The following HMGCLL1 variants were observed in gnomAD, a reference collection of about 807,000 sequenced individuals.
HMGCLL1 encodes the protein 3-hydroxymethyl-3-methylglutaryl-CoA lyase, cytoplasmic.
HMGCLL1 carries 36 observed loss-of-function variants against 39.1 expected under a neutral mutation model. The observed-to-expected ratio is 0.92, with a 90% confidence interval of 0.71 to 1.22. HMGCLL1 has a LOEUF of 1.22. Ranked by LOEUF, HMGCLL1 falls within the 50% of genes most tolerant of loss-of-function variation. HMGCLL1 has a pLI of 0.00. For synonymous variants in HMGCLL1, 149 were observed against 144.0 expected (o/e 1.03, Z -0.25); for missense variants, 451 against 416.5 (o/e 1.08, Z -0.72).
At chr6:55,674,286 T>A in the HMGCLL1 span, among the ~76,000 whole-genome samples, 5 of 151,736 alleles carry the variant, frequency 3.3e-5, no homozygotes, top group African/African-American at 1.2e-4. Flanking sequence ...ACAAAAGAGA[T>A]ACCTAATTTA....
At chr6:55,460,780 T>C (rs1367522766) in intron 7 of HMGCLL1, among the ~76,000 whole-genome samples, 1 of 151,986 alleles carries the variant, frequency 6.6e-6, no homozygotes, top group Non-Finnish European at 1.5e-5. Flanking sequence ...ATTCTGTTGT[T>C]ATTTGAGCTC....
chr6:55,480,282 A>T (rs1417205153), intron 7 of HMGCLL1, among the ~76,000 whole-genome samples: 3 of 151,630 alleles, frequency 2.0e-5, no homozygotes, highest in Non-Finnish European at 4.4e-5. Flanking sequence ...CTATAGGAAA[A>T]ATCTAATAAT....
intron 7 of HMGCLL1, among the ~76,000 whole-genome samples, chr6:55,481,776 G>C (rs1313680850): frequency 6.6e-6 from 1 of 151,566 alleles, no homozygotes; most frequent in African/African-American, 2.4e-5. Context: ...TGGAAAATAA[G>C]CAATCAATCT....
At chr6:55,488,168 G>A (rs1243218289) in intron 7 of HMGCLL1, among the ~76,000 whole-genome samples, 1 of 152,062 alleles carries the variant, frequency 6.6e-6, no homozygotes, top group Non-Finnish European at 1.5e-5. Context: ...AGGGTACTAT[G>A]ATTTTTACAT....
At chr6:55,529,716 G>C (rs1380227895) in intron 3 of HMGCLL1, among the ~76,000 whole-genome samples, 1 of 152,026 alleles carries the variant, frequency 6.6e-6, no homozygotes, top group East Asian at 1.9e-4. Flanking sequence ...AACGCCATTT[G>C]TATGAGTTTG....
chr6:55,436,512 T>A (rs1763377907), intron 8 of HMGCLL1, among the ~76,000 whole-genome samples: 1 of 151,982 alleles, frequency 6.6e-6, no homozygotes. Flanking sequence ...CCAGCACTTT[T>A]GTTGTCACCG....
At chr6:55,579,206 G>T, upstream of HMGCLL1, 2 of 638,972 alleles carry the variant, frequency 3.1e-6, no homozygotes, top group Non-Finnish European at 5.5e-6. Flanking sequence ...CTGCGGCGGC[G>T]CCGAGAGGGC....
intron 7 of HMGCLL1, among the ~76,000 whole-genome samples, chr6:55,478,316 C>T (rs112227094): frequency 9.3e-5 from 14 of 151,036 alleles, no homozygotes; most frequent in South Asian, 2.1e-4. Context: ...AAAGTTCTAC[C>T]GAAAATCAAT....
At chr6:55,617,078 G>A in the HMGCLL1 span, among the ~76,000 whole-genome samples, 1,006 of 152,122 alleles carry the variant, frequency 6.6e-3, 17 homozygotes, top group African/African-American at 0.022. Flanking sequence ...TGTGCAGGAT[G>A]TGCATATTTG....
chr6:55,641,722 A>G, the HMGCLL1 span, among the ~76,000 whole-genome samples: 1,402 of 152,032 alleles, frequency 9.2e-3, 27 homozygotes, highest in African/African-American at 0.033. Context: ...AAAACATCAA[A>G]TGCAAAAATA....
rs1769640676 is a variant in HMGCLL1 at position 55,543,222 on chromosome 6, A to ATATATTATATAT, written c.109-1083_109-1082insATATATAATATA. 5.1e-4 allele frequency among the ~76,000 whole-genome samples: 4 copies of ATATATTATATAT among 7,812 alleles called. 1 individual carries two copies. 5.1% of individuals were successfully genotyped at this position (7,812 alleles called of 152,430 possible). On this transcript the variant is annotated intron_variant, in intron 1 of 8. Coordinates refer to ENST00000274901, the MANE Select transcript of HMGCLL1 (RefSeq NM_001042406.2). The stretch of plus-strand genomic sequence containing the variant: ...TATATTATATATTATATATTATATA[A>ATATATTATATAT]TATATAATATAGATATAATATAGAT...
chr6:55,506,033 T>TA (rs1401620133), intron 5 of HMGCLL1, among the ~76,000 whole-genome samples: 1 of 151,522 alleles, frequency 6.6e-6, no homozygotes, highest in Non-Finnish European at 1.5e-5. Context: ...ACAAATAGAG[T>TA]AAACTGCTGA....
At chr6:55,598,216 G>A in the HMGCLL1 span, among the ~76,000 whole-genome samples, 1 of 152,048 alleles carries the variant, frequency 6.6e-6, no homozygotes. Flanking sequence ...TGTATATACA[G>A]AACATGTCCT....
At chr6:55,620,300 C>A in the HMGCLL1 span, among the ~76,000 whole-genome samples, 1 of 152,270 alleles carries the variant, frequency 6.6e-6, no homozygotes, top group East Asian at 1.9e-4. Context: ...TACTAATTTA[C>A]ATTCCCACCA....
chr6:55,661,765 T>C, the HMGCLL1 span, among the ~76,000 whole-genome samples: 2 of 151,836 alleles, frequency 1.3e-5, no homozygotes, highest in African/African-American at 4.8e-5. Context: ...TCACTGGTGG[T>C]TTGATAGGAA....
the HMGCLL1 span, among the ~76,000 whole-genome samples, chr6:55,619,359 C>T: frequency 3.9e-5 from 6 of 152,058 alleles, no homozygotes; most frequent in Middle Eastern, 0.017. Flanking sequence ...TTTGTTTTTA[C>T]CATAAACTGT....
At chr6:55,444,248 C>T (rs940702914) in intron 7 of HMGCLL1, among the ~76,000 whole-genome samples, 1 of 151,982 alleles carries the variant, frequency 6.6e-6, no homozygotes, top group Non-Finnish European at 1.5e-5. Context: ...AGTCTTCACT[C>T]GTCAATATTC....
At position 55,557,476 on chromosome 6, in the gene HMGCLL1, T is replaced by A. The variant is rs77724971; in HGVS notation, c.109-15336A>T. Among the ~76,000 whole-genome samples the A allele has an allele frequency of 7.6e-3, 1,155 of 152,224 alleles. 16 individuals are homozygous for A. The highest frequency in any genetic ancestry group is 0.026 in the African/African-American group (1,072 of 41,542). On this transcript the variant is annotated intron_variant, in intron 1 of 8. Coordinates refer to ENST00000274901, the MANE Select transcript of HMGCLL1 (RefSeq NM_001042406.2). Reference sequence around the variant, plus strand: ...CACTGACCCCTCACTTGGCTTCGCTTTCTAACACACTGACCTTTCCCAGCC... The same window carrying A: ...CACTGACCCCTCACTTGGCTTCGCTATCTAACACACTGACCTTTCCCAGCC...
At chr6:55,439,058 A>T (rs890499114) in intron 8 of HMGCLL1, among the ~76,000 whole-genome samples, 1 of 152,030 alleles carries the variant, frequency 6.6e-6, no homozygotes, top group Non-Finnish European at 1.5e-5. Context: ...GACAATCAAG[A>T]TCTCCATTTT....
Sources: allele counts gnomAD v4.1 joint callset (sites outside exome capture counted in the v4.1 genomes callset), GRCh38; gene constraint gnomAD v4.1.1; transcripts MANE v1.5; gene names NCBI Gene and HGNC (gene_info 2026-07-23, HGNC 2026-07-21).